ADAMTS17: variants seen among roughly 807,000 people sequenced by gnomAD.
ADAMTS17 encodes A disintegrin and metalloproteinase with thrombospondin motifs 17.
In ADAMTS17, 113 loss-of-function variants were observed where a neutral mutation model predicts 141.5. The observed-to-expected ratio is 0.80, with a 90% CI of 0.69 to 0.93. The LOEUF is 0.93. ADAMTS17 is among the 40% of genes least tolerant of loss of function. ADAMTS17 has a pLI of 0.00. For synonymous variants in ADAMTS17, 768 were observed against 630.6 expected, an observed-to-expected ratio of 1.22 and a Z score of -3.27; for missense variants, 1,659 against 1,517.9, an observed-to-expected ratio of 1.09 and a Z score of -1.54.
At chr15:100,062,805 AG>A (rs2033222326) in intron 15 of ADAMTS17, among the ~76,000 whole-genome samples, 1 of 152,200 alleles carries the variant, frequency 6.6e-6, no homozygotes, top group African/African-American at 2.4e-5. Flanking sequence ...GGGGTGCCTG[AG>A]GAAGATCAGC....
At chr15:100,287,891 T>C (rs779354018) in intron 3 of ADAMTS17, among the ~76,000 whole-genome samples, 24 of 152,356 alleles carry the variant, frequency 1.6e-4, no homozygotes, top group Non-Finnish European at 1.9e-4. Context: ...TGACTGTTAA[T>C]GGCCACCACA....
At chr15:100,243,011 G>GC (rs1248136643) in intron 7 of ADAMTS17, among the ~76,000 whole-genome samples, 2 of 152,140 alleles carry the variant, frequency 1.3e-5, no homozygotes, top group African/African-American at 2.4e-5. Flanking sequence ...CCTGGCAACT[G>GC]CCATCCTGCT....
At chr15:100,273,530 A>G (rs1181904195) in intron 4 of ADAMTS17, among the ~76,000 whole-genome samples, 1 of 152,150 alleles carries the variant, frequency 6.6e-6, no homozygotes, top group Non-Finnish European at 1.5e-5. Context: ...TTTCTGTAGA[A>G]TGGGTCGTAA....
At chr15:100,157,574 T>C (rs2039493589) in intron 8 of ADAMTS17, among the ~76,000 whole-genome samples, 1 of 152,152 alleles carries the variant, frequency 6.6e-6, no homozygotes, top group Non-Finnish European at 1.5e-5. Flanking sequence ...GCCCACAGGC[T>C]CTTCCAACTC....
chr15:100,138,689 G>C (rs1365191991), intron 10 of ADAMTS17, among the ~76,000 whole-genome samples: 1 of 152,198 alleles, frequency 6.6e-6, no homozygotes, highest in African/African-American at 2.4e-5. Context: ...CAGAAGGAGA[G>C]AATAGAAAGA....
intron 14 of ADAMTS17, among the ~76,000 whole-genome samples, chr15:100,103,108 G>A (rs62038575): frequency 1.6e-3 from 246 of 152,316 alleles, no homozygotes; most frequent in South Asian, 3.1e-3. Context: ...GTCCCGCATG[G>A]AAGAGGCAGG....
chr15:100,319,897 TC>T (rs2045679006), intron 3 of ADAMTS17, among the ~76,000 whole-genome samples: 1 of 151,844 alleles, frequency 6.6e-6, no homozygotes, highest in African/African-American at 2.4e-5. Flanking sequence ...GCCACTGCAC[TC>T]CAGCCTGGGC....
rs2045133565 is a variant in ADAMTS17 at position 100,303,951 on chromosome 15, T to C, written c.617-22550A>G. On this transcript the variant is annotated intron_variant, in intron 3 of 21. Transcript: ENST00000268070. The stretch of plus-strand genomic sequence containing the variant: ...GTTGGGCAGGCTGGTCTCCAACTCC[T>C]GACCTCAGGTGATCCACCCGCTTCG... 3.3e-5 allele frequency among the ~76,000 whole-genome samples: 5 copies of C among 152,226 alleles called. No homozygotes were observed. The South Asian group carries it at 8.3e-4, about 25-fold the overall frequency.
At chr15:100,055,287 A>G (rs1480017798) in intron 15 of ADAMTS17, among the ~76,000 whole-genome samples, 3 of 152,244 alleles carry the variant, frequency 2.0e-5, no homozygotes, top group African/African-American at 4.8e-5. Context: ...CCCACATTTA[A>G]TACTGATTTT....
At chr15:100,256,783 G>C (rs2043342492) in intron 6 of ADAMTS17, 1 of 152,692 alleles carries the variant, frequency 6.5e-6, no homozygotes, top group South Asian at 2.1e-4. Context: ...TCAGGGAGGA[G>C]TTCTCTGCGT....
chr15:100,175,459 C>A (rs2040305710), intron 8 of ADAMTS17, among the ~76,000 whole-genome samples: 1 of 152,118 alleles, frequency 6.6e-6, no homozygotes, highest in Non-Finnish European at 1.5e-5. Context: ...CCCCCCAGTC[C>A]CATGTTAAGG....
At chr15:100,020,809 A>G (rs948269767) in intron 18 of ADAMTS17, among the ~76,000 whole-genome samples, 1 of 152,134 alleles carries the variant, frequency 6.6e-6, no homozygotes, top group African/African-American at 2.4e-5. Flanking sequence ...GGCTGTGTCT[A>G]TCTCCATGCA....
At chr15:100,027,634 A>T (rs2034558841) in intron 18 of ADAMTS17, among the ~76,000 whole-genome samples, 1 of 152,268 alleles carries the variant, frequency 6.6e-6, no homozygotes, top group Admixed American at 6.5e-5. Context: ...GAGACTATAC[A>T]GCTTGTAAAG....
At chr15:100,144,171 G>A (rs988923998) in intron 10 of ADAMTS17, among the ~76,000 whole-genome samples, 2 of 152,220 alleles carry the variant, frequency 1.3e-5, no homozygotes, top group Admixed American at 6.5e-5. Context: ...CTGGCCCTGG[G>A]TCTACTAACC....
chr15:100,328,532 G>A lies in ADAMTS17; in HGVS notation c.616+2357C>T, dbSNP rs569847591. ...GATGCAAGGTTTGAGAGCAGGGAAG[G>A]AGAGATTGTATTTTTAAGCAAGTTC... On this transcript the variant is annotated intron_variant, in intron 3 of 21. Transcript: ENST00000268070. Among the ~76,000 whole-genome samples the A allele has an allele frequency of 2.0e-5, 3 of 151,846 alleles. No individual in the cohort carries two copies. In the East Asian group the frequency reaches 5.8e-4, roughly 29 times the overall value.
At chr15:100,320,877 C>A (rs557706045) in intron 3 of ADAMTS17, among the ~76,000 whole-genome samples, 1 of 152,112 alleles carries the variant, frequency 6.6e-6, no homozygotes, top group Admixed American at 6.5e-5. Context: ...ACAGTTTGGA[C>A]AAAGCAAAAA....
intron 3 of ADAMTS17, among the ~76,000 whole-genome samples, chr15:100,300,806 G>A (rs766553894): frequency 6.6e-6 from 1 of 152,198 alleles, no homozygotes; most frequent in African/African-American, 2.4e-5. Flanking sequence ...GCTCCACCTG[G>A]AAAGTTATTA....
chr15:100,201,872 C>G (rs1383435758), intron 7 of ADAMTS17, among the ~76,000 whole-genome samples: 1 of 152,144 alleles, frequency 6.6e-6, no homozygotes, highest in African/African-American at 2.4e-5. Context: ...ACAAGTCTAC[C>G]AGTGAGTAGA....
At chr15:100,316,254 G>C (rs543491446) in intron 3 of ADAMTS17, among the ~76,000 whole-genome samples, 50 of 152,268 alleles carry the variant, frequency 3.3e-4, no homozygotes, top group Middle Eastern at 3.4e-3. Flanking sequence ...TGTGGTGGCA[G>C]TGCAGCTGGC....
Sources: allele counts gnomAD v4.1 joint callset (sites outside exome capture counted in the v4.1 genomes callset), GRCh38; gene constraint gnomAD v4.1.1; transcripts MANE v1.5; gene names NCBI Gene and HGNC (gene_info 2026-07-23, HGNC 2026-07-21).